FNDC3A: variants seen among roughly 807,000 people sequenced by gnomAD.
FNDC3A encodes fibronectin type-III domain-containing protein 3A.
Under a neutral mutation model 148.9 loss-of-function variants are expected in FNDC3A, and 32 were observed. The observed-to-expected ratio is 0.21, with a 90% CI of 0.16 to 0.29. FNDC3A has a LOEUF of 0.29. Among genes scored for constraint, FNDC3A ranks in the 10% least tolerant of loss-of-function variants. The pLI is 1.00. For synonymous variants in FNDC3A, 472 were observed against 473.6 expected, an observed-to-expected ratio of 1.00 and a Z score of 0.04; for missense variants, 1,191 against 1,452.8, an observed-to-expected ratio of 0.82 and a Z score of 2.93.
At position 49,088,456 on chromosome 13, in the gene FNDC3A, A is replaced by G. The variant is rs1878957226; in HGVS notation, c.175+13092A>G. On this transcript the variant is annotated intron_variant, in intron 3 of 25. Coordinates refer to ENST00000492622, the MANE Select transcript of FNDC3A (RefSeq NM_001079673.2). ...TAACAGTAGTAACTATTGTGATCAT[A>G]TACTACTACTACTTCTAGATTGAAT... 2.0e-5 allele frequency among the ~76,000 whole-genome samples: 3 copies of G among 152,180 alleles called. No homozygotes were observed. In the South Asian group the frequency reaches 6.2e-4, roughly 32 times the overall value.
At chr13:49,107,395 G>T (rs1880267359) in intron 3 of FNDC3A, among the ~76,000 whole-genome samples, 1 of 152,146 alleles carries the variant, frequency 6.6e-6, no homozygotes, top group South Asian at 2.1e-4. Flanking sequence ...GATATGCATG[G>T]TTTATGTGTG....
chr13:49,202,811 G>A (rs1351024796), intron 24 of FNDC3A, among the ~76,000 whole-genome samples: 2 of 152,118 alleles, frequency 1.3e-5, no homozygotes, highest in Non-Finnish European at 2.9e-5. Context: ...TGAGACCAAC[G>A]TGGGCAACAT....
intron 3 of FNDC3A, 146 bp from the exon 4 acceptor site, chr13:49,114,509 C>T (rs1257749750): frequency 1.7e-5 from 7 of 404,800 alleles, no homozygotes; most frequent in Non-Finnish European, 3.3e-5. Flanking sequence ...TATAACAAGT[C>T]AATCATCTGA....
intron 6 of FNDC3A, among the ~76,000 whole-genome samples, chr13:49,137,047 G>A (rs919699766): frequency 9.2e-5 from 14 of 151,958 alleles, no homozygotes; most frequent in Admixed American, 3.3e-4. Context: ...TGCTGGTCTC[G>A]ATCTCCTGGG....
chr13:49,019,780 G>C (rs924845313), intron 2 of FNDC3A, among the ~76,000 whole-genome samples: 2 of 152,200 alleles, frequency 1.3e-5, no homozygotes, highest in African/African-American at 4.8e-5. Context: ...GAGTGAGACT[G>C]TCCTATAATG....
chr13:48,990,337 G>A (rs894812488), intron 1 of FNDC3A, among the ~76,000 whole-genome samples: 5 of 151,710 alleles, frequency 3.3e-5, no homozygotes, highest in Admixed American at 1.3e-4. Context: ...TAAACCACAT[G>A]GAAACTTGGC....
chr13:49,120,739 A>G (rs1881283468), intron 4 of FNDC3A, among the ~76,000 whole-genome samples: 1 of 152,180 alleles, frequency 6.6e-6, no homozygotes, highest in East Asian at 1.9e-4. Flanking sequence ...AAGATCAAAA[A>G]AGACAAGAAG....
chr13:49,043,192 C>T (rs1875085518), intron 2 of FNDC3A, among the ~76,000 whole-genome samples: 1 of 151,762 alleles, frequency 6.6e-6, no homozygotes, highest in South Asian at 2.1e-4. Context: ...TCTTGAACTC[C>T]TGGGCTCAAG....
At chr13:49,019,134 T>G (rs1196082229) in intron 2 of FNDC3A, among the ~76,000 whole-genome samples, 1 of 152,262 alleles carries the variant, frequency 6.6e-6, no homozygotes, top group Non-Finnish European at 1.5e-5. Flanking sequence ...CTCCACCCAG[T>G]TCGAGCTTCT....
intron 2 of FNDC3A, among the ~76,000 whole-genome samples, chr13:49,022,143 A>G (rs958492523): frequency 6.6e-6 from 1 of 152,150 alleles, no homozygotes; most frequent in Non-Finnish European, 1.5e-5. Flanking sequence ...TTGTTGATAC[A>G]TGTTAAGCTT....
chr13:49,200,326 A>C (rs1886365407), intron 23 of FNDC3A, among the ~76,000 whole-genome samples: 1 of 152,208 alleles, frequency 6.6e-6, no homozygotes, highest in Non-Finnish European at 1.5e-5. Flanking sequence ...GTATATCACC[A>C]GTAAGAACAT....
chr13:49,060,593 G>A (rs538528092), intron 2 of FNDC3A, among the ~76,000 whole-genome samples: 9 of 138,492 alleles, frequency 6.5e-5, no homozygotes, highest in Admixed American at 2.4e-4. Flanking sequence ...GCAGTGACCC[G>A]AGATTGTGCC....
At chr13:48,997,518 G>A (rs1178069806) in intron 1 of FNDC3A, among the ~76,000 whole-genome samples, 2 of 152,032 alleles carry the variant, frequency 1.3e-5, no homozygotes, top group Non-Finnish European at 2.9e-5. Context: ...GAGATAATTT[G>A]GCTTAGAGGA....
intron 3 of FNDC3A, among the ~76,000 whole-genome samples, chr13:49,080,811 A>C (rs1389152324): frequency 2.0e-5 from 3 of 152,196 alleles, no homozygotes; most frequent in Non-Finnish European, 2.9e-5. Context: ...TGTAGTAAAC[A>C]CTTAAGAATC....
At chr13:49,063,456 C>T (rs1047719236) in intron 2 of FNDC3A, among the ~76,000 whole-genome samples, 14 of 151,918 alleles carry the variant, frequency 9.2e-5, no homozygotes, top group Admixed American at 9.2e-4. Flanking sequence ...GGGCCAGGGT[C>T]GAGGATTGTA....
chr13:49,110,389 G>GT, intron 3 of FNDC3A: 1 of 1,609,538 alleles, frequency 6.2e-7, no homozygotes, highest in Non-Finnish European at 8.5e-7. Context: ...TGCTGCTACT[G>GT]TAAAAACGAA....
intron 1 of FNDC3A, among the ~76,000 whole-genome samples, chr13:48,994,695 T>C (rs1951990699): frequency 6.6e-6 from 1 of 152,072 alleles, no homozygotes; most frequent in African/African-American, 2.4e-5. Context: ...GGAGAATTGC[T>C]TGAACCTGGG....
At chr13:49,084,098 C>A (rs748909451) in intron 3 of FNDC3A, among the ~76,000 whole-genome samples, 1 of 152,132 alleles carries the variant, frequency 6.6e-6, no homozygotes, top group East Asian at 1.9e-4. Context: ...TTTATTAATA[C>A]CCACTACTGG....
intron 13 of FNDC3A, 101 bp from the exon 14 acceptor site, chr13:49,178,467 A>G: frequency 1.4e-6 from 1 of 722,388 alleles, no homozygotes; most frequent in Non-Finnish European, 2.4e-6. Flanking sequence ...TATTGCACAT[A>G]GTAGAAGATG....
Sources: gnomAD v4.1 joint callset for allele counts (sites outside exome capture counted in the v4.1 genomes callset) on GRCh38, gnomAD v4.1.1 for gene constraint, MANE v1.5 for transcripts, NCBI Gene and HGNC (gene_info 2026-07-23, HGNC 2026-07-21) for gene names.